PEX3: variants seen among roughly 807,000 people sequenced by gnomAD.
The protein encoded by PEX3 is peroxisomal biogenesis factor 3, also known as peroxin-3.
A neutral mutation model predicts 55.8 loss-of-function variants in PEX3; 30 were observed. That is an observed-to-expected ratio of 0.54 (90% CI 0.40 to 0.73). The LOEUF (loss-of-function observed/expected upper bound fraction) is 0.73, where lower values mean the gene tolerates loss of function less well. PEX3 is among the 30% of genes least tolerant of loss of function. The pLI, the probability that PEX3 is intolerant of heterozygous loss-of-function variation, is 0.00. For missense variants in PEX3, 351 were observed against 432.8 expected, an observed-to-expected ratio of 0.81 and a Z score of 1.68; for synonymous variants, 135 against 148.4, an observed-to-expected ratio of 0.91 and a Z score of 0.66.
In PEX3 at chr6:143,454,192, C is replaced by G. The variant is rs1000241185; in HGVS notation, c.73+3077C>G. On this transcript the variant is annotated intron_variant, in intron 1 of 11. Transcript: ENST00000367591. This position sits in a 1 kb window ranked among gnomAD's most constrained non-coding sequence, Gnocchi z 4.3. ...ATTCTCATCTCTTTCTATATTCTGT[C>G]AGTTGTGGTATCACACATCATGTAA... 3.3e-5 allele frequency among the ~76,000 whole-genome samples: 5 copies of G among 152,170 alleles called. No homozygotes were observed. Among genetic ancestry groups the G allele is most frequent in the African/African-American group, 1.2e-4 (5 of 41,440 alleles).
rs1584010607 is a variant in PEX3 at position 143,471,409 on chromosome 6, A to G, written c.483A>G (p.Gln161=). Residue 161 remains glutamine, a synonymous_variant, in exon 6 of 12, where the codon CAA becomes CAG. Transcript: ENST00000367591. The surrounding 1 kb of genome is among the most constrained non-coding windows in gnomAD (Gnocchi z 5.4). ...GTTILAPPDV[Q]QQYLSSIQHL... ...CAATTCTTGCTCCCCCAGATGTCCA[A>G]CAGCAGTATTTATCAAGTATTCAGC... 6.2e-7 allele frequency: 1 copy of G among 1,608,732 alleles called. No homozygotes were observed.
chr6:143,467,324 T>C (rs1287943525), intron 3 of PEX3, among the ~76,000 whole-genome samples: 2 of 152,094 alleles, frequency 1.3e-5, no homozygotes, highest in African/African-American at 2.4e-5. Context: ...TTTAGAAATA[T>C]CAGTATGAAT....
rs886061129 is a variant in PEX3 at position 143,450,829 on chromosome 6, G to C, written c.-214G>C. 4.7e-5 allele frequency: 36 copies of C among 768,522 alleles called. 1 individual carries two copies. The Middle Eastern group carries it at 1.5e-3, about 32-fold the overall frequency. The allele number at this position is 768,522 out of a possible 1,614,324, so 47.6% of individuals were successfully genotyped here. On this transcript the variant is annotated 5_prime_UTR_variant, in exon 1 of 12. Coordinates refer to ENST00000367591, the MANE Select transcript of PEX3 (RefSeq NM_003630.3). ...CAGTGAGCGGCGGCGGCTGCGCGGC[G>C]GCAGCGGCAGAAAGCGTAGCTGCTT...
rs913174865 is a variant in PEX3, at chr6:143,486,849, T to G, written c.1038+1601T>G. On this transcript the variant is annotated intron_variant, in intron 11 of 11. Coordinates refer to ENST00000367591, the MANE Select transcript of PEX3 (RefSeq NM_003630.3). The surrounding 1 kb of genome is among the most constrained non-coding windows in gnomAD (Gnocchi z 5.0). ...CAGATAGTACATACTTTAGGCTTAA[T>G]GCAACATACATTCTCTACAGAAACT... 2.0e-5 allele frequency among the ~76,000 whole-genome samples: 3 copies of G among 152,184 alleles called. No homozygotes were observed. Among genetic ancestry groups the G allele is most frequent in the Non-Finnish European group, 4.4e-5 (3 of 68,008 alleles).
intron 10 of PEX3, among the ~76,000 whole-genome samples, chr6:143,484,609 C>G (rs1010587372): frequency 6.6e-6 from 1 of 151,902 alleles, no homozygotes; most frequent in Non-Finnish European, 1.5e-5. Flanking sequence ...CTATTTTCAC[C>G]TATCAGATGT....
rs1780302501 is a variant in PEX3, at chr6:143,485,293, G to A, written c.1038+45G>A. On this transcript the variant is annotated intron_variant, in intron 11 of 11. Transcript: ENST00000367591. The surrounding 1 kb of genome is among the most constrained non-coding windows in gnomAD (Gnocchi z 5.6). The stretch of plus-strand genomic sequence containing the variant: ...GTGTTATTAAAAGCAAATTATATTT[G>A]TGGTGGTGGTCATGTTTGTCTAACA... 9.9e-7 allele frequency: 1 copy of A among 1,013,548 alleles called. No homozygotes were observed. Among genetic ancestry groups the A allele is most frequent in the Non-Finnish European group, 1.6e-6 (1 of 632,890 alleles). The allele number at this position is 1,013,548 out of a possible 1,614,324, so 62.8% of individuals were successfully genotyped here.
In PEX3 at chr6:143,482,423, A is replaced by C. The variant is rs1437757742; in HGVS notation, c.942-2729A>C. Among the ~76,000 whole-genome samples the C allele has an allele frequency of 6.6e-6, 1 of 152,112 alleles. No individual in the cohort carries two copies. The highest frequency in any genetic ancestry group is 2.4e-5 in the African/African-American group (1 of 41,448). ...CCCAAGAGAGTCAACTAAAAAGTGT[A>C]AAATTAGCCTTCCAAAATTAATCTA... On this transcript the variant is annotated intron_variant, in intron 10 of 11. Transcript: ENST00000367591. The surrounding 1 kb of genome is among the most constrained non-coding windows in gnomAD (Gnocchi z 5.5).
rs1245412592 is a variant in PEX3, at chr6:143,453,236, A to G, written c.73+2121A>G. Among the ~76,000 whole-genome samples the G allele has an allele frequency of 1.3e-5, 2 of 152,242 alleles. No homozygotes were observed. The highest frequency in any genetic ancestry group is 2.9e-5 in the Non-Finnish European group (2 of 68,038). On this transcript the variant is annotated intron_variant, in intron 1 of 11. Transcript: ENST00000367591. This position sits in a 1 kb window ranked among gnomAD's most constrained non-coding sequence, Gnocchi z 4.6. ...TACAGATCACACTGGCAAGTAGCAT[A>G]TGCAGTTGTGAAAAATCAGGAAGAA...
rs1305204475 is a variant in PEX3 at position 143,454,105 on chromosome 6, G to T, written c.73+2990G>T. ...TACATAACATTTTCAAAAAATTAAT[G>T]AGTGTCATTGTTTTACATTTTGCAA... On this transcript the variant is annotated intron_variant, in intron 1 of 11. Coordinates refer to ENST00000367591, the MANE Select transcript of PEX3 (RefSeq NM_003630.3). This position sits in a 1 kb window ranked among gnomAD's most constrained non-coding sequence, Gnocchi z 4.3. Among the ~76,000 whole-genome samples, 1 of 151,998 alleles carries T rather than the reference G, an allele frequency of 6.6e-6. No homozygotes were observed. Among genetic ancestry groups the T allele is most frequent in the African/African-American group, 2.4e-5 (1 of 41,380 alleles).
rs1779971318 is a variant in PEX3, at chr6:143,464,759, G to A, written c.287+1762G>A. Among the ~76,000 whole-genome samples the A allele has an allele frequency of 2.0e-5, 3 of 151,702 alleles. No homozygotes were observed. Among genetic ancestry groups the A allele is most frequent in the Admixed American group, 2.0e-4 (3 of 15,228 alleles). On this transcript the variant is annotated intron_variant, in intron 3 of 11. Coordinates refer to ENST00000367591, the MANE Select transcript of PEX3 (RefSeq NM_003630.3). This position sits in a 1 kb window ranked among gnomAD's most constrained non-coding sequence, Gnocchi z 5.8. ...TTGAAAAATATTTGCATAAATAAGG[G>A]CTTGATCCCTTACAAAGTATCATTA...
intron 7 of PEX3, 143 bp from the exon 8 acceptor site, chr6:143,472,017 C>A: frequency 1.5e-6 from 1 of 678,516 alleles, no homozygotes; most frequent in Non-Finnish European, 2.6e-6. Flanking sequence ...TGGCTGATTT[C>A]GTAATCCATT....
chr6:143,475,532 G>A lies in PEX3; in HGVS notation c.818+676G>A, dbSNP rs893754166. ...GCCAGGCATGGTGGTGCACACCTGT[G>A]GTCCCAGTTACTTGGGAGGCTGAGG... On this transcript the variant is annotated intron_variant, in intron 9 of 11. Coordinates refer to ENST00000367591, the MANE Select transcript of PEX3 (RefSeq NM_003630.3). This position sits in a 1 kb window ranked among gnomAD's most constrained non-coding sequence, Gnocchi z 4.4. 2.8e-4 allele frequency among the ~76,000 whole-genome samples: 43 copies of A among 152,100 alleles called. No individual in the cohort carries two copies. Among genetic ancestry groups the A allele is most frequent in the Non-Finnish European group, 2.6e-4 (18 of 68,012 alleles).
chr6:143,469,512 T>C (rs1223794484), intron 4 of PEX3, among the ~76,000 whole-genome samples: 1 of 152,218 alleles, frequency 6.6e-6, no homozygotes, highest in Non-Finnish European at 1.5e-5. Flanking sequence ...TGCCCACTTT[T>C]TGATGGGGTT....
intron 9 of PEX3, among the ~76,000 whole-genome samples, chr6:143,477,507 T>C (rs921449979): frequency 6.6e-6 from 1 of 152,108 alleles, no homozygotes; most frequent in Non-Finnish European, 1.5e-5. Flanking sequence ...TAAAATAGTT[T>C]AGGAGTCAGG....
In PEX3 at chr6:143,475,907, A is replaced by G. The variant is rs566302615; in HGVS notation, c.818+1051A>G. Among the ~76,000 whole-genome samples, 4 of 152,316 alleles carry G rather than the reference A, an allele frequency of 2.6e-5. No homozygotes were observed. The highest frequency in any genetic ancestry group is 4.4e-5 in the Non-Finnish European group (3 of 68,030). On this transcript the variant is annotated intron_variant, in intron 9 of 11. Transcript: ENST00000367591. This position sits in a 1 kb window ranked among gnomAD's most constrained non-coding sequence, Gnocchi z 4.4. ...TCATTGAATTATTCATCAACTATGT[A>G]TTGGCTGTCTGTGGTATATTAGGTA...
In PEX3 at chr6:143,476,830, T is replaced by C. The variant is rs971979723; in HGVS notation, c.818+1974T>C. ...ATGTTGGGAGTCATCACTTTGTATA[T>C]GGTATTTAAAGACATGGGAATAGGA... On this transcript the variant is annotated intron_variant, in intron 9 of 11. Transcript: ENST00000367591. This position sits in a 1 kb window ranked among gnomAD's most constrained non-coding sequence, Gnocchi z 5.4. Among the ~76,000 whole-genome samples the C allele has an allele frequency of 6.6e-6, 1 of 152,118 alleles. No individual in the cohort carries two copies. The highest frequency in any genetic ancestry group is 6.5e-5 in the Admixed American group (1 of 15,272).
In PEX3 at chr6:143,465,491, A is replaced by G. The variant is rs994965812; in HGVS notation, c.287+2494A>G. Among the ~76,000 whole-genome samples, 5 of 151,932 alleles carry G rather than the reference A, an allele frequency of 3.3e-5. No homozygotes were observed. The highest frequency in any genetic ancestry group is 1.2e-4 in the African/African-American group (5 of 41,408). Reference sequence around the variant, plus strand: ...GCCCAAGCTGGAGTACAGTGGCACAATCATGGCTCACTACTAAGCACTTTC... The same window carrying G: ...GCCCAAGCTGGAGTACAGTGGCACAGTCATGGCTCACTACTAAGCACTTTC... On this transcript the variant is annotated intron_variant, in intron 3 of 11. Coordinates refer to ENST00000367591, the MANE Select transcript of PEX3 (RefSeq NM_003630.3). The surrounding 1 kb of genome is among the most constrained non-coding windows in gnomAD (Gnocchi z 4.7).
At chr6:143,473,532 T>C (rs1363350084) in intron 8 of PEX3, among the ~76,000 whole-genome samples, 1 of 151,966 alleles carries the variant, frequency 6.6e-6, no homozygotes, top group Non-Finnish European at 1.5e-5. Context: ...AATTTAAGAT[T>C]GAAAGGACAC....
chr6:143,454,990 T>TA lies in PEX3; in HGVS notation c.73+3882dup, dbSNP rs531480637. 1.1e-4 allele frequency among the ~76,000 whole-genome samples: 16 copies of TA among 152,298 alleles called. No homozygotes were observed. The highest frequency in any genetic ancestry group is 1.4e-4 in the African/African-American group (6 of 41,564). ...GGTGCTTGCTAGAGTTTACTATGGA[T>TA]AAAAAAATCACTTAGGGAGCTTAAT... On this transcript the variant is annotated intron_variant, in intron 1 of 11. Transcript: ENST00000367591. This position sits in a 1 kb window ranked among gnomAD's most constrained non-coding sequence, Gnocchi z 4.3.
Sources: gnomAD v4.1 joint callset for allele counts (sites outside exome capture counted in the v4.1 genomes callset) on GRCh38, gnomAD v4.1.1 for gene constraint, Gnocchi (gnomAD v3.1) non-coding constraint, MANE v1.5 for transcripts, NCBI Gene and HGNC (gene_info 2026-07-23, HGNC 2026-07-21) for gene names.